Variants in CLCN7 observed in about 807,000 individuals in gnomAD.
CLCN7 encodes H(+)/Cl(-) exchange transporter 7.
CLCN7 carries 60 observed loss-of-function variants against 102.1 expected under a neutral mutation model. The ratio of observed to expected loss-of-function variants is 0.59; its 90% CI spans 0.48 to 0.73. The LOEUF is 0.73. Ranked by LOEUF, CLCN7 falls within the 30% of genes least tolerant of loss-of-function variation. CLCN7 has a pLI of 0.00. For synonymous variants in CLCN7, 560 were observed against 490.5 expected (o/e 1.14, Z -1.87); for missense variants, 962 against 1,125.7 (o/e 0.85, Z 2.08).
chr16:1,447,608 AC>A, intron 22 of CLCN7, 40 bp from the exon 23 acceptor site: 1 of 1,551,314 alleles, frequency 6.4e-7, no homozygotes, highest in South Asian at 1.2e-5. Flanking sequence ...CCCAGGCAGC[AC>A]CCCCGGGGCC....
intron 14 of CLCN7, among the ~76,000 whole-genome samples, chr16:1,453,265 G>A (rs577676102): frequency 3.4e-4 from 51 of 152,038 alleles, no homozygotes; most frequent in African/African-American, 1.2e-3. Flanking sequence ...CACCCGCCTC[G>A]GCCTCCCAAA....
At chr16:1,473,009 C>CCTCCCCTA (rs71391168) in intron 1 of CLCN7, among the ~76,000 whole-genome samples, 9,486 of 150,788 alleles carry the variant, frequency 0.063, 361 homozygotes, top group Non-Finnish European at 0.089. Flanking sequence ...CTCAAGTGAT[C>CCTCCCCTA]CTCCCCTACC....
At chr16:1,454,312 G>T in intron 13 of CLCN7, 99 bp downstream of exon 13, 1 of 1,286,190 alleles carries the variant, frequency 7.8e-7, no homozygotes, top group Non-Finnish European at 1.1e-6. Context: ...ATGAGGGCAG[G>T]CTCCAGGGAG....
In CLCN7 at chr16:1,455,760, A is replaced by G. The variant is rs2038825509; in HGVS notation, c.952T>C (p.Phe318Leu). ...VLFSLEEGAS[F>L]WNQFLTWRIF... ...CTCCAGGTCAGGAACTGGTTCCAGA[A>G]GGACGCACCCTCCTCCAAGCTGAAC... The change falls in exon 11 of 25, where the codon TTC becomes CTC. Residue 318 changes from phenylalanine (F) to leucine (L), a missense_variant. This residue lies in a region of CLCN7 where 799 missense variants were observed against 988.0 expected (regional missense o/e 0.81). Transcript: ENST00000382745. The G allele has an allele frequency of 6.2e-7, 1 of 1,613,808 alleles. No individual in the cohort carries two copies.
At chr16:1,465,655 G>A (rs1400307698) in intron 1 of CLCN7, among the ~76,000 whole-genome samples, 1 of 151,984 alleles carries the variant, frequency 6.6e-6, no homozygotes, top group Non-Finnish European at 1.5e-5. Context: ...ACAACACGCC[G>A]CCCCCAATGC....
rs74002247 is a variant in CLCN7, at chr16:1,444,986, C to G, written c.*1645G>C. 1,087 of 152,568 alleles carry G rather than the reference C, an allele frequency of 7.1e-3. 14 individuals carry two copies. Among genetic ancestry groups the G allele is most frequent in the African/African-American group, 0.025 (1,027 of 41,544 alleles). The allele number at this position is 152,568 out of a possible 1,614,324, so 9.5% of individuals were successfully genotyped here. A position where few individuals can be genotyped will look rare whatever the true frequency, so the allele number is the denominator to read the frequency against. On this transcript the variant is annotated 3_prime_UTR_variant, in exon 25 of 25. Transcript: ENST00000382745. ...ACCGAATATATCCAAAATATGATCA[C>G]TTCCAGGTCCTCAGTACACAACCAC... is the stretch of plus-strand genomic sequence containing the variant.
chr16:1,462,556 A>AC (rs1158782682), intron 2 of CLCN7, among the ~76,000 whole-genome samples: 2 of 150,266 alleles, frequency 1.3e-5, no homozygotes, highest in African/African-American at 4.9e-5. Flanking sequence ...TTGTATCTTT[A>AC]GTAGAGACGG....
In CLCN7 at chr16:1,449,321, C is replaced by T; in HGVS notation, c.1624G>A (p.Ala542Thr). The change falls in exon 18 of 25, where the codon GCG (alanine) becomes ACG (threonine). Residue 542 changes from alanine to threonine, a missense_variant. Physicochemically the swap from Ala to Thr is moderately conservative, Grantham distance 58. Coordinates refer to ENST00000382745, the MANE Select transcript of CLCN7 (RefSeq NM_001287.6). ...ATCAGGGCGTATTTGCCGGGGTCCG[C>T]CCAGATCTGTGGGAGGTGACACGGA... Reference protein sequence around the residue: ...LSYLTGAAIWADPGKYALMGA... With the variant: ...LSYLTGAAIWTDPGKYALMGA... The T allele has an allele frequency of 6.3e-7, 1 of 1,585,580 alleles. No homozygotes were observed. Among genetic ancestry groups the T allele is most frequent in the East Asian group, 2.3e-5 (1 of 43,446 alleles).
chr16:1,453,404 A>G (rs746688466), intron 14 of CLCN7, among the ~76,000 whole-genome samples: 1 of 152,148 alleles, frequency 6.6e-6, no homozygotes, highest in Non-Finnish European at 1.5e-5. Context: ...ACTTCTCCAG[A>G]TGTGTGGGAA....
At chr16:1,464,942 C>A (rs1376112303) in intron 2 of CLCN7, among the ~76,000 whole-genome samples, 1 of 150,998 alleles carries the variant, frequency 6.6e-6, no homozygotes, top group Non-Finnish European at 1.5e-5. Context: ...CCGGCCCCCT[C>A]TCACTCTCCT....
intron 13 of CLCN7, 134 bp from the exon 14 acceptor site, chr16:1,454,028 T>G: frequency 1.2e-6 from 1 of 810,340 alleles, no homozygotes; most frequent in Non-Finnish European, 2.1e-6. Flanking sequence ...GGGGTCCTGG[T>G]AAGATGCTTC....
rs753146024 is a variant in CLCN7 at position 1,457,371 on chromosome 16, G to A, written c.739-34C>T. 1.7e-5 allele frequency: 26 copies of A among 1,575,286 alleles called. No homozygotes were observed. The highest frequency in any genetic ancestry group is 1.6e-4 in the African/African-American group (12 of 73,252). ...CAGAAGGACCGGTGCTCAGAGACACGCGTGACGCGGCCCTTCCTGGAGACC... is the reference window on the plus strand; with the variant it reads ...CAGAAGGACCGGTGCTCAGAGACACACGTGACGCGGCCCTTCCTGGAGACC... On this transcript the variant is annotated intron_variant, in intron 8 of 24. Transcript: ENST00000382745. The surrounding 1 kb of genome is among the most constrained non-coding windows in gnomAD (Gnocchi z 5.4).
chr16:1,458,072 C>T (rs1006953937), intron 7 of CLCN7, among the ~76,000 whole-genome samples: 15 of 152,234 alleles, frequency 9.9e-5, no homozygotes, highest in East Asian at 3.8e-4. Flanking sequence ...CACCTGCCTC[C>T]GCCAGCGTGG....
chr16:1,461,431 C>T lies in CLCN7; in HGVS notation c.325G>A (p.Glu109Lys). ...YDNSENQLFL[E>K]EERRINHTAF... ...GTGTGATTGATCCGCCGCTCCTCCTCCAGGAACAGCTGGTTCTCACTGTTG... is the reference window on the plus strand; with the variant it reads ...GTGTGATTGATCCGCCGCTCCTCCTTCAGGAACAGCTGGTTCTCACTGTTG... The change falls in exon 4 of 25, where the codon GAG (glutamate) becomes AAG (lysine). Residue 109 changes from glutamate to lysine, a missense_variant. By Grantham distance (56) the Glu-to-Lys change is moderately conservative. Coordinates refer to ENST00000382745, the MANE Select transcript of CLCN7 (RefSeq NM_001287.6). 1 of 1,555,548 alleles carries T rather than the reference C, an allele frequency of 6.4e-7. No individual in the cohort carries two copies. The highest frequency in any genetic ancestry group is 8.7e-7 in the Non-Finnish European group (1 of 1,150,238).
At chr16:1,463,669 A>C (rs1446514781) in intron 2 of CLCN7, among the ~76,000 whole-genome samples, 1 of 151,820 alleles carries the variant, frequency 6.6e-6, no homozygotes, top group Non-Finnish European at 1.5e-5. Context: ...TTTTTTGTAG[A>C]GACAGGGTCT....
intron 2 of CLCN7, among the ~76,000 whole-genome samples, chr16:1,462,119 C>T (rs2038946969): frequency 6.6e-6 from 1 of 151,250 alleles, no homozygotes; most frequent in African/African-American, 2.4e-5. Context: ...TACAGACCAA[C>T]ACCCCTACAA....
chr16:1,449,454 T>A, intron 17 of CLCN7, 127 bp from the exon 18 acceptor site: 1 of 827,230 alleles, frequency 1.2e-6, no homozygotes, highest in South Asian at 1.5e-5. Flanking sequence ...CGTGGCCGCG[T>A]ACATACACAC....
At chr16:1,447,165 AC>A (rs1435671952) in intron 23 of CLCN7, 79 bp from the exon 24 acceptor site, 9 of 1,370,248 alleles carry the variant, frequency 6.6e-6, no homozygotes, top group Non-Finnish European at 9.0e-6. Flanking sequence ...GGCTCCCTGC[AC>A]CCCCCACCAC....
chr16:1,448,857 A>G, intron 19 of CLCN7, 91 bp from the exon 20 acceptor site: 1 of 1,596,910 alleles, frequency 6.3e-7, no homozygotes, highest in Non-Finnish European at 8.5e-7. Context: ...GGCCGCCCCC[A>G]GAAACCCTGA....
Sources: gnomAD v4.1 joint callset for allele counts (sites outside exome capture counted in the v4.1 genomes callset) on GRCh38, gnomAD v4.1.1 for gene constraint, gnomAD v4.1.1 regional missense constraint, Gnocchi (gnomAD v3.1) non-coding constraint, MANE v1.5 for transcripts, NCBI Gene and HGNC (gene_info 2026-07-23, HGNC 2026-07-21) for gene names.